Variants in ZNF286A observed in about 807,000 individuals in gnomAD.
ZNF286A encodes zinc finger protein 286A, also known as zinc finger protein ZNF286.
ZNF286A carries 34 observed loss-of-function variants against 49.3 expected under a neutral mutation model. That is an observed-to-expected ratio of 0.69 (90% CI 0.52 to 0.92). The LOEUF (loss-of-function observed/expected upper bound fraction) is 0.92. Ranked by LOEUF, ZNF286A falls within the 40% of genes least tolerant of loss-of-function variation. ZNF286A has a pLI of 0.00. For synonymous variants in ZNF286A, 155 were observed against 200.4 expected (o/e 0.77, Z 1.91); for missense variants, 462 against 600.2 (o/e 0.77, Z 2.41).
rs976357975 is a variant in ZNF286A at position 15,720,316 on chromosome 17, G to T, written c.*3026G>T. On this transcript the variant is annotated 3_prime_UTR_variant, in exon 6 of 6. Transcript: ENST00000583566. The stretch of plus-strand genomic sequence containing the variant: ...TACATAGAGAAGTGCCAGAGCATCC[G>T]TCAGTAGAAGTTACTTAAGGTTGGC... The T allele has an allele frequency of 1.2e-4, 18 of 151,282 alleles. No individual in the cohort carries two copies. Among genetic ancestry groups the T allele is most frequent in the Admixed American group, 5.9e-4 (9 of 15,178 alleles). The allele number at this position is 151,282 out of a possible 1,614,324, so 9.4% of individuals were successfully genotyped here.
chr17:15,701,657 TACTC>T (rs1250480021), intron 3 of ZNF286A, among the ~76,000 whole-genome samples: 2 of 152,176 alleles, frequency 1.3e-5, no homozygotes, highest in Admixed American at 6.5e-5. Context: ...AAATAATAAA[TACTC>T]ACATAGTTCA....
chr17:15,716,434 A>G lies in ZNF286A; in HGVS notation c.710A>G (p.Tyr237Cys), dbSNP rs756768111. The G allele has an allele frequency of 1.9e-6, 3 of 1,613,362 alleles. No individual in the cohort carries two copies. The highest frequency in any genetic ancestry group is 2.5e-6 in the Non-Finnish European group (3 of 1,179,796). ...KSNLMKKQRT[Y>C]KEKKPHKCND... ...AACTTAATGAAAAAGCAGAGAACTTATAAAGAGAAAAAACCTCATAAATGT... is the reference window on the plus strand; with the variant it reads ...AACTTAATGAAAAAGCAGAGAACTTGTAAAGAGAAAAAACCTCATAAATGT... Residue 237 changes from tyrosine to cysteine, a missense_variant, in exon 6 of 6, where the codon TAT becomes TGT. Tyr to Cys is a radical substitution (Grantham distance 194). Around this residue, in one of 3 missense-constraint regions of ZNF286A, gnomAD observed 259 missense variants for 272.2 expected, o/e 0.95. Coordinates refer to ENST00000583566, the MANE Select transcript of ZNF286A (RefSeq NM_001130842.2).
In ZNF286A at chr17:15,718,076, G is replaced by A. The variant is rs1967170791; in HGVS notation, c.*786G>A. The A allele has an allele frequency of 6.6e-6, 1 of 150,502 alleles. No homozygotes were observed. The highest frequency in any genetic ancestry group is 1.5e-5 in the Non-Finnish European group (1 of 67,662). The allele number at this position is 150,502 out of a possible 1,614,324, so 9.3% of individuals were successfully genotyped here. A position where few individuals can be genotyped will look rare whatever the true frequency, so the allele number is the denominator to read the frequency against. On this transcript the variant is annotated 3_prime_UTR_variant, in exon 6 of 6. Coordinates refer to ENST00000583566, the MANE Select transcript of ZNF286A (RefSeq NM_001130842.2). Reference sequence around the variant, plus strand: ...AGCCTCCCAAGTAGCTGGGACTACAGGCACCTGCCAGTACGCCTGGCTAAT... The same window carrying A: ...AGCCTCCCAAGTAGCTGGGACTACAAGCACCTGCCAGTACGCCTGGCTAAT...
intron 3 of ZNF286A, among the ~76,000 whole-genome samples, chr17:15,705,980 G>A (rs892153809): frequency 2.6e-5 from 4 of 152,040 alleles, no homozygotes; most frequent in African/African-American, 9.7e-5. Context: ...CTTGTGATTG[G>A]CTAGATTGAC....
intron 5 of ZNF286A, among the ~76,000 whole-genome samples, chr17:15,710,103 T>G (rs1990542411): frequency 6.6e-6 from 1 of 152,206 alleles, no homozygotes; most frequent in South Asian, 2.1e-4. Flanking sequence ...CTTTGCCTGT[T>G]TTTTGAGATT....
Position 15,700,165 on chromosome 17 carries a change from C to T in ZNF286A, c.-165C>T, listed in dbSNP as rs2151445549. 1 of 558,162 alleles carries T rather than the reference C, an allele frequency of 1.8e-6. No individual in the cohort carries two copies. Among genetic ancestry groups the T allele is most frequent in the Non-Finnish European group, 3.2e-6 (1 of 317,170 alleles). 34.6% of individuals were successfully genotyped at this position (558,162 alleles called of 1,614,324 possible). A position where few individuals can be genotyped will look rare whatever the true frequency, so the allele number is the denominator to read the frequency against. ...AGCGCCGTAGGACTGAGGCAGACTC[C>T]ACGGTGAGAAAGAGACCCGATCTAA... is the stretch of plus-strand genomic sequence containing the variant. On this transcript the variant is annotated 5_prime_UTR_variant, in exon 2 of 6. Coordinates refer to ENST00000583566, the MANE Select transcript of ZNF286A (RefSeq NM_001130842.2).
chr17:15,708,377 AAT>A, intron 5 of ZNF286A, 130 bp downstream of exon 5: 1 of 566,722 alleles, frequency 1.8e-6, no homozygotes, highest in East Asian at 3.3e-5. Context: ...AAGCATTTAA[AAT>A]ATATACAGAA....
intron 3 of ZNF286A, among the ~76,000 whole-genome samples, chr17:15,703,138 T>C (rs1046001017): frequency 6.6e-6 from 1 of 152,194 alleles, no homozygotes; most frequent in Non-Finnish European, 1.5e-5. Context: ...CACATACACA[T>C]GCGCGTGCAC....
rs951752185 is a variant in ZNF286A, at chr17:15,718,232, GCAT to G, written c.*949_*951del. On this transcript the variant is annotated 3_prime_UTR_variant, in exon 6 of 6. Transcript: ENST00000583566. Reference sequence around the variant, plus strand: ...TTACAGGCATGAGCCACCATGCCTGGCATCATCATTGATTTATGTCATTGTTAT... The same window carrying G: ...TTACAGGCATGAGCCACCATGCCTGGCATCATTGATTTATGTCATTGTTAT... 2 of 151,850 alleles carry G rather than the reference GCAT, an allele frequency of 1.3e-5. No individual in the cohort carries two copies. The highest frequency in any genetic ancestry group is 2.9e-5 in the Non-Finnish European group (2 of 68,046). 9.4% of individuals were successfully genotyped at this position (151,850 alleles called of 1,614,324 possible).
At chr17:15,702,166 A>G (rs537240929) in intron 3 of ZNF286A, among the ~76,000 whole-genome samples, 44 of 151,732 alleles carry the variant, frequency 2.9e-4, no homozygotes, top group African/African-American at 9.2e-4. Flanking sequence ...TGATTGTACT[A>G]TATCAGTGAT....
At chr17:15,710,955 A>T (rs1341171667) in intron 5 of ZNF286A, among the ~76,000 whole-genome samples, 1 of 150,308 alleles carries the variant, frequency 6.7e-6, no homozygotes, top group Non-Finnish European at 1.5e-5. Context: ...TCTGTCTCTC[A>T]GGCTGGAGTG....
intron 5 of ZNF286A, among the ~76,000 whole-genome samples, chr17:15,715,295 T>C (rs962968228): frequency 5.3e-5 from 8 of 151,952 alleles, no homozygotes; most frequent in African/African-American, 7.2e-5. Flanking sequence ...GCAAACTGTG[T>C]GTGCTTATTT....
chr17:15,716,484 T>A lies in ZNF286A; in HGVS notation c.760T>A (p.Tyr254Asn). Residue 254 changes from tyrosine to asparagine, a missense_variant, in exon 6 of 6, where the codon TAC becomes AAC. Coordinates refer to ENST00000583566, the MANE Select transcript of ZNF286A (RefSeq NM_001130842.2). Reference protein sequence around the residue: ...KCNDCGELFTYHSVLIRHQRV... With the variant: ...KCNDCGELFTNHSVLIRHQRV... ...TAATGATTGTGGTGAACTCTTCACC[T>A]ACCATTCAGTGCTTATTCGACACCA... 1 of 1,614,082 alleles carries A rather than the reference T, an allele frequency of 6.2e-7. No homozygotes were observed.
intron 5 of ZNF286A, among the ~76,000 whole-genome samples, chr17:15,712,557 G>A (rs1433881329): frequency 2.0e-5 from 3 of 152,160 alleles, no homozygotes; most frequent in Admixed American, 6.5e-5. Context: ...CAAATTGTAC[G>A]TGGTGGAAAT....
intron 5 of ZNF286A, chr17:15,711,359 A>AT (rs913204673): frequency 2.0e-5 from 3 of 152,146 alleles, no homozygotes; most frequent in African/African-American, 7.2e-5. Flanking sequence ...TCCATTTGGA[A>AT]TTGCTTCTTA....
At chr17:15,704,986 C>G (rs988059036) in intron 3 of ZNF286A, 18 of 1,047,264 alleles carry the variant, frequency 1.7e-5, no homozygotes, top group Non-Finnish European at 2.2e-5. Flanking sequence ...CAACTGCTGC[C>G]GCTGCGGCCC....
chr17:15,715,519 A>T (rs576768852), intron 5 of ZNF286A, among the ~76,000 whole-genome samples: 5 of 152,248 alleles, frequency 3.3e-5, no homozygotes, highest in African/African-American at 1.2e-4. Flanking sequence ...TGCATATATC[A>T]TTTCATATAT....
In ZNF286A at chr17:15,719,057, C is replaced by G. The variant is rs1185364885; in HGVS notation, c.*1767C>G. 1 of 118,698 alleles carries G rather than the reference C, an allele frequency of 8.4e-6. No homozygotes were observed. Among genetic ancestry groups the G allele is most frequent in the Non-Finnish European group, 1.7e-5 (1 of 57,508 alleles). The allele number at this position is 118,698 out of a possible 1,614,324, so 7.4% of individuals were successfully genotyped here. On this transcript the variant is annotated 3_prime_UTR_variant, in exon 6 of 6. Coordinates refer to ENST00000583566, the MANE Select transcript of ZNF286A (RefSeq NM_001130842.2). ...ACCTGCGTGGTCCAGTCACCTTGCACCAGGCCCCACCTCCCACATTGGGGA... is the reference window on the plus strand; with the variant it reads ...ACCTGCGTGGTCCAGTCACCTTGCAGCAGGCCCCACCTCCCACATTGGGGA...
rs141604718 is a variant in ZNF286A, at chr17:15,701,134, C to T, written c.38-18C>T. The T allele has an allele frequency of 0.012, 19,961 of 1,613,714 alleles. 119 individuals carry two copies. The highest frequency in any genetic ancestry group is 0.015 in the Non-Finnish European group (17,330 of 1,179,792). ...ACGTTAAGCCTAGGTCTCATCATTA[C>T]TGCTTTCTTGTCGTTAGCTCTGTCT... On this transcript the variant is annotated intron_variant, in intron 2 of 5. Transcript: ENST00000583566.
Sources: gnomAD v4.1 joint callset for allele counts (sites outside exome capture counted in the v4.1 genomes callset) on GRCh38, gnomAD v4.1.1 for gene constraint, gnomAD v4.1.1 regional missense constraint, MANE v1.5 for transcripts, NCBI Gene and HGNC (gene_info 2026-07-23, HGNC 2026-07-21) for gene names.